Variants in RBFOX2 observed in about 807,000 individuals in gnomAD.
RBFOX2 encodes the protein RNA binding protein fox-1 homolog 2.
A neutral mutation model predicts 49.1 loss-of-function variants in RBFOX2; 10 were observed. That is an observed-to-expected ratio of 0.20 (90% CI 0.13 to 0.35). The LOEUF is 0.35. Ranked by LOEUF, RBFOX2 falls within the 10% of genes least tolerant of loss-of-function variation. The pLI is 1.00. For missense variants in RBFOX2, 323 were observed against 486.9 expected (o/e 0.66, Z 3.17); for synonymous variants, 183 against 187.4 (o/e 0.98, Z 0.19).
At chr22:35,756,251 A>G in intron 9 of RBFOX2, 107 bp from the exon 11 acceptor site, 1 of 945,192 alleles carries the variant, frequency 1.1e-6, no homozygotes, top group Non-Finnish European at 1.4e-6. Flanking sequence ...CAGGCAGGTG[A>G]TGTATGAATA....
intron 1 of RBFOX2, among the ~76,000 whole-genome samples, chr22:35,931,316 TA>T (rs75649440): frequency 0.14 from 19,025 of 135,198 alleles, 1,293 homozygotes; most frequent in Non-Finnish European, 0.17. Flanking sequence ...CATGTTTAGT[TA>T]AAAAAAAAAA....
rs747636716 is a variant in RBFOX2 at position 35,749,563 on chromosome 22, T to G, written c.888-3002A>C. On this transcript the variant is annotated intron_variant, in intron 9 of 11. Transcript: ENST00000405409. The surrounding 1 kb of genome is among the most constrained non-coding windows in gnomAD (Gnocchi z 4.1). ...CTTACTCGAAAGTATTTTTGCTGCT[T>G]TATTCAACAAAACATATCACAAAAT... 1.8e-4 allele frequency among the ~76,000 whole-genome samples: 28 copies of G among 152,124 alleles called. No homozygotes were observed. Among genetic ancestry groups the G allele is most frequent in the Non-Finnish European group, 4.1e-4 (28 of 68,006 alleles).
At chr22:35,841,993 G>A (rs2040555566), upstream of RBFOX2, among the ~76,000 whole-genome samples, 1 of 152,136 alleles carries the variant, frequency 6.6e-6, no homozygotes, top group Non-Finnish European at 1.5e-5. Flanking sequence ...AGAAGCTCAA[G>A]ACCAGCCAAG....
chr22:35,958,875 A>G (rs1378985429), intron 1 of RBFOX2, among the ~76,000 whole-genome samples: 2 of 152,138 alleles, frequency 1.3e-5, no homozygotes, highest in Non-Finnish European at 2.9e-5. Flanking sequence ...AATTACTCAA[A>G]TCCTTTAGTT....
intron 1 of RBFOX2, among the ~76,000 whole-genome samples, chr22:35,857,795 C>G (rs534285510): frequency 6.6e-6 from 1 of 152,258 alleles, no homozygotes; most frequent in South Asian, 2.1e-4. Context: ...GAAAATAGAA[C>G]CTTGAGGAAT....
chr22:35,949,900 A>G (rs776678014), intron 1 of RBFOX2, among the ~76,000 whole-genome samples: 18 of 152,230 alleles, frequency 1.2e-4, no homozygotes, highest in African/African-American at 3.1e-4. Context: ...TTGATGCATA[A>G]AAGTTTTTAA....
At chr22:35,808,780 C>A (rs1342909279) in intron 2 of RBFOX2, among the ~76,000 whole-genome samples, 2 of 152,096 alleles carry the variant, frequency 1.3e-5, no homozygotes, top group Non-Finnish European at 2.9e-5. Flanking sequence ...GCCCAGGAGA[C>A]TGAGGTTGCA....
At chr22:35,883,457 C>T (rs868480826) in intron 1 of RBFOX2, among the ~76,000 whole-genome samples, 29 of 152,316 alleles carry the variant, frequency 1.9e-4, no homozygotes, top group African/African-American at 3.4e-4. Context: ...CAGGTCTTAA[C>T]AGCAGGCTTT....
At chr22:35,986,505 G>C (rs1603462303) in intron 1 of RBFOX2, among the ~76,000 whole-genome samples, 1 of 152,110 alleles carries the variant, frequency 6.6e-6, no homozygotes, top group Non-Finnish European at 1.5e-5. Context: ...AAGAAGTCAA[G>C]TTATTTTTCT....
chr22:35,961,628 T>G, exon 1 of RBFOX2: 1 of 1,304,136 alleles, frequency 7.7e-7, no homozygotes, highest in Non-Finnish European at 1.0e-6. Context: ...TTCCTGGAAT[T>G]CTAAACCCTG....
At chr22:35,845,462 A>T, upstream of RBFOX2, among the ~76,000 whole-genome samples, 1 of 152,200 alleles carries the variant, frequency 6.6e-6, no homozygotes, top group East Asian at 1.9e-4. Context: ...GCTTATAAAA[A>T]ACAATCCTCA....
At chr22:35,884,690 A>G (rs1255456869) in intron 1 of RBFOX2, among the ~76,000 whole-genome samples, 1 of 152,226 alleles carries the variant, frequency 6.6e-6, no homozygotes, top group Non-Finnish European at 1.5e-5. Context: ...TCCATATTCT[A>G]TGCATTCAAA....
intron 1 of RBFOX2, among the ~76,000 whole-genome samples, chr22:36,008,407 A>G (rs1311670144): frequency 6.6e-6 from 1 of 152,224 alleles, no homozygotes; most frequent in African/African-American, 2.4e-5. Context: ...ATAAATAACC[A>G]AAGTGTTTAA....
chr22:35,854,919 T>C (rs1207549780), intron 1 of RBFOX2, among the ~76,000 whole-genome samples: 1 of 152,018 alleles, frequency 6.6e-6, no homozygotes, highest in African/African-American at 2.4e-5. Flanking sequence ...CTACAAAAAA[T>C]CAAATTATAA....
upstream of RBFOX2, among the ~76,000 whole-genome samples, chr22:35,963,333 T>C (rs1363285290): frequency 2.6e-5 from 4 of 152,316 alleles, no homozygotes; most frequent in Admixed American, 2.0e-4. Flanking sequence ...ATATTTGTTT[T>C]CTTATTTCGC....
intron 4 of RBFOX2, 36 bp from the exon 6 acceptor site, chr22:35,768,385 A>C (rs979197133): frequency 6.5e-7 from 1 of 1,538,420 alleles, no homozygotes; most frequent in Non-Finnish European, 9.0e-7. Context: ...AAACATGCAC[A>C]TCGTTATATT....
At chr22:35,739,949 T>G (rs1317904508) in exon 12 of RBFOX2, 1 of 152,596 alleles carries the variant, frequency 6.6e-6, no homozygotes, top group African/African-American at 2.4e-5. Context: ...TGATCTACCG[T>G]TTTCCTGAGT....
intron 2 of RBFOX2, among the ~76,000 whole-genome samples, chr22:35,785,913 A>G (rs1178668306): frequency 6.6e-6 from 1 of 152,216 alleles, no homozygotes; most frequent in African/African-American, 2.4e-5. Context: ...AGCAACAAGC[A>G]TCAATTACAA....
intron 2 of RBFOX2, among the ~76,000 whole-genome samples, chr22:35,786,322 C>CT (rs903011704): frequency 6.6e-6 from 1 of 152,190 alleles, no homozygotes; most frequent in African/African-American, 2.4e-5. Context: ...AGTATGAAAT[C>CT]TTTAATTCTA....
Sources: gnomAD v4.1 joint callset for allele counts (sites outside exome capture counted in the v4.1 genomes callset) on GRCh38, gnomAD v4.1.1 for gene constraint, Gnocchi (gnomAD v3.1) non-coding constraint, MANE v1.5 for transcripts, NCBI Gene and HGNC (gene_info 2026-07-23, HGNC 2026-07-21) for gene names.